The following SIGLEC9 variants were observed in gnomAD, a reference collection of about 807,000 sequenced individuals.
The protein encoded by SIGLEC9 is sialic acid-binding Ig-like lectin 9.
A neutral mutation model predicts 38.3 loss-of-function variants in SIGLEC9; 26 were observed. That is an observed-to-expected ratio of 0.68 (90% confidence interval 0.50 to 0.94). The LOEUF is 0.94. Among genes scored for constraint, SIGLEC9 ranks in the 40% least tolerant of loss-of-function variants. The pLI, the probability that SIGLEC9 is intolerant of heterozygous loss-of-function variation, is 0.00. For synonymous variants in SIGLEC9, 236 were observed against 248.0 expected (o/e 0.95, Z 0.45); for missense variants, 556 against 585.7 (o/e 0.95, Z 0.52).
chr19:51,124,961 C>T lies in SIGLEC9; in HGVS notation c.-14C>T. ...AGACGTTCCCTCGCGGCCCTGGCAC[C>T]TCTAACCCCAGACATGCTGCTGCTG... On this transcript the variant is annotated 5_prime_UTR_variant, in exon 1 of 7. Coordinates refer to ENST00000250360, the MANE Select transcript of SIGLEC9 (RefSeq NM_014441.3). 1.9e-6 allele frequency: 3 copies of T among 1,592,816 alleles called. No individual in the cohort carries two copies. The highest frequency in any genetic ancestry group is 1.7e-6 in the Non-Finnish European group (2 of 1,168,772).
downstream of SIGLEC9, among the ~76,000 whole-genome samples, chr19:51,132,663 C>T (rs2092022883): frequency 6.6e-6 from 1 of 152,244 alleles, no homozygotes; most frequent in Middle Eastern, 3.2e-3. Context: ...TCCCGCTCAG[C>T]TGGAATTGTC....
At chr19:51,135,878 C>T (rs528383801) in intron 6 of SIGLEC9, 5 of 650,512 alleles carry the variant, frequency 7.7e-6, no homozygotes, top group African/African-American at 1.8e-5. Flanking sequence ...TTAATACTTC[C>T]GCTTGTATTA....
Position 51,127,078 on chromosome 19 carries a change from A to AGTCTCT in SIGLEC9, c.799_804dup (p.Ser267_Leu268dup). 6.2e-7 allele frequency: 1 copy of AGTCTCT among 1,614,190 alleles called. No individual in the cohort carries two copies. Among genetic ancestry groups the AGTCTCT allele is most frequent in the African/African-American group, 1.3e-5 (1 of 75,060 alleles). On this transcript the variant is annotated inframe_insertion, in exon 4 of 7. Coordinates refer to ENST00000250360, the MANE Select transcript of SIGLEC9 (RefSeq NM_014441.3). Reference sequence around the variant, plus strand: ...TCATCTCTGTCACTCCCAGAGGGCCAGTCTCTGCGCCTGGTCTGTGCAGTT... The same window carrying AGTCTCT: ...TCATCTCTGTCACTCCCAGAGGGCCAGTCTCTGTCTCTGCGCCTGGTCTGTGCAGTT...
chr19:51,124,910 T>A lies in SIGLEC9; in HGVS notation c.-65T>A, dbSNP rs2091965351. On this transcript the variant is annotated 5_prime_UTR_variant, in exon 1 of 7. Transcript: ENST00000250360. The stretch of plus-strand genomic sequence containing the variant: ...CCTCCTCTAAGTCTTGAGCCCGCAG[T>A]TCCTGAGAGAAGAACCCTGAGGAAC... The A allele has an allele frequency of 1.3e-6, 2 of 1,548,136 alleles. No homozygotes were observed. Among genetic ancestry groups the A allele is most frequent in the African/African-American group, 2.7e-5 (2 of 72,998 alleles).
In SIGLEC9 at chr19:51,125,869, G is replaced by A. The variant is rs766389887; in HGVS notation, c.694G>A (p.Val232Met). The A allele has an allele frequency of 4.3e-6, 7 of 1,614,020 alleles. No homozygotes were observed. The highest frequency in any genetic ancestry group is 5.1e-6 in the Non-Finnish European group (6 of 1,180,006). Reference protein sequence around the residue: ...VTTNKTVHLNVSYPPQNLTMT... With the variant: ...VTTNKTVHLNMSYPPQNLTMT... Reference sequence around the variant, plus strand: ...CACGAACAAGACCGTCCATCTCAACGTGTCCTGTGAGTGCTGGGCCGGGAC... The same window carrying A: ...CACGAACAAGACCGTCCATCTCAACATGTCCTGTGAGTGCTGGGCCGGGAC... Residue 232 changes from valine to methionine, a missense_variant, in exon 2 of 7, where the codon GTG (valine) becomes ATG (methionine). Transcript: ENST00000250360.
At position 51,129,937 on chromosome 19, in the gene SIGLEC9, C is replaced by T. The variant is rs747413882; in HGVS notation, c.1250C>T (p.Pro417Leu). ...GCAGAAGACAGTCCCCCAGACCAGC[C>T]TCCCCCAGCTTCTGCCCGCTCCTCA... Reference protein sequence around the residue: ...PWAEDSPPDQPPPASARSSVG... With the variant: ...PWAEDSPPDQLPPASARSSVG... Residue 417 changes from proline to leucine, a missense_variant, in exon 7 of 7, where the codon CCT becomes CTT. By Grantham distance (98) the Pro-to-Leu change is moderately conservative. Transcript: ENST00000250360. 1.2e-6 allele frequency: 2 copies of T among 1,612,460 alleles called. No individual in the cohort carries two copies. Among genetic ancestry groups the T allele is most frequent in the South Asian group, 1.1e-5 (1 of 90,898 alleles).
chr19:51,129,171 G>GTTGTTTTTTTTTTTTTT (rs1555796366), intron 6 of SIGLEC9, among the ~76,000 whole-genome samples: 119 of 139,034 alleles, frequency 8.6e-4, no homozygotes, highest in African/African-American at 3.3e-3. Flanking sequence ...TGTTGTTGTT[G>GTTGTTTTTTTTTTTTTT]TTTTTGAGAC....
Position 51,130,032 on chromosome 19 carries a change from C to T in SIGLEC9, c.1345C>T (p.Gln449Ter). ...GGTGAAGCCTTGGGACTCGCGGGGA[C>T]AGGAGGCCACTGACACCGAGTACTC... ...QMVKPWDSRGQEATDTEYSEI... is the reference protein window; with the variant it reads ...QMVKPWDSRG Residue 449 changes from glutamine (Q) to a stop codon, truncating the protein, a stop_gained, in exon 7 of 7, where the codon CAG becomes TAG. Coordinates refer to ENST00000250360, the MANE Select transcript of SIGLEC9 (RefSeq NM_014441.3). LOFTEE classifies it low-confidence loss of function (END_TRUNC). 6.2e-7 allele frequency: 1 copy of T among 1,613,648 alleles called. No individual in the cohort carries two copies. Among genetic ancestry groups the T allele is most frequent in the East Asian group, 2.2e-5 (1 of 44,866 alleles).
In SIGLEC9 at chr19:51,128,420, G is replaced by T; in HGVS notation, c.1113G>T (p.Arg371Ser). 1 of 1,614,074 alleles carries T rather than the reference G, an allele frequency of 6.2e-7. No individual in the cohort carries two copies. The highest frequency in any genetic ancestry group is 8.5e-7 in the Non-Finnish European group (1 of 1,179,970). Residue 371 changes from arginine to serine, a missense_variant, in exon 6 of 7, where the codon AGG (arginine) becomes AGT (serine). Transcript: ENST00000250360. Reference protein sequence around the residue: ...LSFCVIFVVVRSCRKKSARPA... With the variant: ...LSFCVIFVVVSSCRKKSARPA... ...CTCTGGTCTCTTCACTCAGAGTGAGGTCCTGCAGGAAGAAATCGGCAAGGC... is the reference window on the plus strand; with the variant it reads ...CTCTGGTCTCTTCACTCAGAGTGAGTTCCTGCAGGAAGAAATCGGCAAGGC...
At chr19:51,124,859 G>T, upstream of SIGLEC9, 2 of 1,374,022 alleles carry the variant, frequency 1.5e-6, no homozygotes, top group South Asian at 1.4e-5. Flanking sequence ...TCACTGTTCC[G>T]ACCTCGCCCC....
In SIGLEC9 at chr19:51,125,852, A is replaced by C; in HGVS notation, c.677A>C (p.Lys226Thr). 1 of 1,614,122 alleles carries C rather than the reference A, an allele frequency of 6.2e-7. No homozygotes were observed. Residue 226 changes from lysine to threonine, a missense_variant, in exon 2 of 7, where the codon AAG (lysine) becomes ACG (threonine). Transcript: ENST00000250360. The part of the protein sequence containing the change: ...TFPGASVTTN[K>T]TVHLNVSYPP... Reference sequence around the variant, plus strand: ...CCTGGGGCCAGCGTGACCACGAACAAGACCGTCCATCTCAACGTGTCCTGT... The same window carrying C: ...CCTGGGGCCAGCGTGACCACGAACACGACCGTCCATCTCAACGTGTCCTGT...
At chr19:51,134,103 CAG>C (rs1205835719), downstream of SIGLEC9, among the ~76,000 whole-genome samples, 23 of 147,806 alleles carry the variant, frequency 1.6e-4, 4 homozygotes, top group Admixed American at 2.7e-4. Context: ...GAATGGCACA[CAG>C]GGGAACTTTC....
chr19:51,128,270 C>A, intron 5 of SIGLEC9, 144 bp from the exon 6 acceptor site: 1 of 1,023,436 alleles, frequency 9.8e-7, no homozygotes, highest in Non-Finnish European at 1.5e-6. Context: ...CTGTTCTCAA[C>A]CTTGGGGTCT....
Position 51,125,143 on chromosome 19 carries a change from G to A in SIGLEC9, c.169G>A (p.Val57Ile). 2 of 1,614,084 alleles carry A rather than the reference G, an allele frequency of 1.2e-6. No individual in the cohort carries two copies. Among genetic ancestry groups the A allele is most frequent in the Non-Finnish European group, 1.7e-6 (2 of 1,180,006 alleles). Residue 57 changes from valine to isoleucine, a missense_variant, in exon 1 of 7, where the codon GTT becomes ATT. Coordinates refer to ENST00000250360, the MANE Select transcript of SIGLEC9 (RefSeq NM_014441.3). ...TGGCTGGATTTACCCTGGCCCAGTA[G>A]TTCATGGCTACTGGTTCCGGGAAGG... ...SHGWIYPGPV[V>I]HGYWFREGAN... is the part of the protein sequence containing the mutation.
chr19:51,124,727 G>A (rs1353532501), upstream of SIGLEC9, among the ~76,000 whole-genome samples: 1 of 152,138 alleles, frequency 6.6e-6, no homozygotes, highest in Non-Finnish European at 1.5e-5. Context: ...GAATCTGGGT[G>A]AGTCTGTCTC....
chr19:51,123,304 AGTGGCCGATGCTAATCT>A (rs2091954996), upstream of SIGLEC9, among the ~76,000 whole-genome samples: 1 of 152,168 alleles, frequency 6.6e-6, no homozygotes, highest in African/African-American at 2.4e-5. Flanking sequence ...TTAGAATTGA[AGTGGCCGATGCTAATCT>A]GAGGCCCGTG....
At position 51,130,124 on chromosome 19, in the gene SIGLEC9, A is replaced by G. The variant is rs367788204; in HGVS notation, c.*45A>G. The G allele has an allele frequency of 4.5e-6, 7 of 1,550,164 alleles. No individual in the cohort carries two copies. The highest frequency in any genetic ancestry group is 1.4e-5 in the African/African-American group (1 of 72,832). ...CTGATTGAGGGATCACAGCCCCTCC[A>G]GGCAAGGGAGAAGTCAGAGGCTGAT... On this transcript the variant is annotated 3_prime_UTR_variant, in exon 7 of 7. Coordinates refer to ENST00000250360, the MANE Select transcript of SIGLEC9 (RefSeq NM_014441.3).
chr19:51,128,819 C>G (rs2091996043), intron 6 of SIGLEC9: 1 of 296,026 alleles, frequency 3.4e-6, no homozygotes, highest in Non-Finnish European at 6.4e-6. Flanking sequence ...TCGTCCAGTT[C>G]CTCTGCATTT....
downstream of SIGLEC9, among the ~76,000 whole-genome samples, chr19:51,130,581 G>A (rs2092009952): frequency 6.6e-6 from 1 of 152,168 alleles, no homozygotes; most frequent in Non-Finnish European, 1.5e-5. Context: ...CTGCAAATCA[G>A]GTCTAGGTAG....
Sources: allele counts gnomAD v4.1 joint callset (sites outside exome capture counted in the v4.1 genomes callset), GRCh38; gene constraint gnomAD v4.1.1; transcripts MANE v1.5; gene names NCBI Gene and HGNC (gene_info 2026-07-23, HGNC 2026-07-21).